CADPS: variants seen among roughly 807,000 people sequenced by gnomAD.
CADPS encodes the protein calcium-dependent secretion activator 1.
Under a neutral mutation model 167.3 loss-of-function variants are expected in CADPS, and 57 were observed. That is an observed-to-expected ratio of 0.34 (90% CI 0.28 to 0.42). The LOEUF is 0.42. Among genes scored for constraint, CADPS ranks in the 20% least tolerant of loss-of-function variants. CADPS has a pLI of 1.00. For missense variants in CADPS, 1,414 were observed against 1,738.1 expected (o/e 0.81, Z 3.32); for synonymous variants, 676 against 635.3 (o/e 1.06, Z -0.96).
At position 62,753,751 on chromosome 3, in the gene CADPS, A is replaced by G; in HGVS notation, c.578T>C (p.Val193Ala). The G allele has an allele frequency of 6.2e-7, 1 of 1,613,234 alleles. No homozygotes were observed. The highest frequency in any genetic ancestry group is 1.1e-5 in the South Asian group (1 of 91,016). ...GCCTCCACTCTGAACCATGCGGGCCACACGGTCGCTCTTCAGGAACACCTG... is the reference window on the plus strand; with the variant it reads ...GCCTCCACTCTGAACCATGCGGGCCGCACGGTCGCTCTTCAGGAACACCTG... ...YYEVFLKSDRVARMVQSGGCS... is the reference protein window; with the variant it reads ...YYEVFLKSDRAARMVQSGGCS... Residue 193 changes from valine (V) to alanine (A), a missense_variant, in exon 3 of 30, where the codon GTG (valine) becomes GCG (alanine). Val to Ala is a moderately conservative substitution (Grantham distance 64). Transcript: ENST00000383710. This position sits in a 1 kb window ranked among gnomAD's most constrained non-coding sequence, Gnocchi z 4.6.
At position 62,419,464 on chromosome 3, in the gene CADPS, A is replaced by T. The variant is rs147934256; in HGVS notation, c.3778-16279T>A. Among the ~76,000 whole-genome samples the T allele has an allele frequency of 3.6e-3, 548 of 152,282 alleles. 2 individuals are homozygous for T. The highest frequency in any genetic ancestry group is 4.6e-3 in the Non-Finnish European group (311 of 68,028). On this transcript the variant is annotated intron_variant, in intron 28 of 29. Coordinates refer to ENST00000383710, the MANE Select transcript of CADPS (RefSeq NM_003716.4). ...ATGTATAGTTACAATCTGAATTTGC[A>T]CTTTCAAGTCGTCTCAATCTTTTAA...
intron 21 of CADPS, among the ~76,000 whole-genome samples, chr3:62,484,020 A>G (rs1015341863): frequency 1.3e-5 from 2 of 152,234 alleles, no homozygotes; most frequent in East Asian, 3.8e-4. Flanking sequence ...GCGGGTACAC[A>G]AATTAGAAGC....
chr3:62,435,778 C>A (rs2149710093), intron 28 of CADPS, among the ~76,000 whole-genome samples: 1 of 151,928 alleles, frequency 6.6e-6, no homozygotes, highest in South Asian at 2.1e-4. Context: ...GTTGGGAAAA[C>A]CAAATTGGGA....
At chr3:62,718,987 C>G (rs531937521) in intron 3 of CADPS, among the ~76,000 whole-genome samples, 1 of 152,116 alleles carries the variant, frequency 6.6e-6, no homozygotes, top group Non-Finnish European at 1.5e-5. Flanking sequence ...GAACATTTTT[C>G]GTGAGGGGAA....
In CADPS at chr3:62,520,106, A is replaced by C. The variant is rs182994047; in HGVS notation, c.2292-1856T>G. Among the ~76,000 whole-genome samples the C allele has an allele frequency of 1.2e-3, 176 of 152,330 alleles. 2 individuals carry two copies. The highest frequency in any genetic ancestry group is 4.1e-3 in the African/African-American group (172 of 41,592). On this transcript the variant is annotated intron_variant, in intron 13 of 29. Coordinates refer to ENST00000383710, the MANE Select transcript of CADPS (RefSeq NM_003716.4). ...AAAATGCTGTTAAATATAATTTTAC[A>C]GTTCAGAAAAGGTTTACTGATCACA...
chr3:62,717,993 A>C (rs1442785865), intron 3 of CADPS, among the ~76,000 whole-genome samples: 1 of 151,764 alleles, frequency 6.6e-6, no homozygotes, highest in Non-Finnish European at 1.5e-5. Flanking sequence ...CCTCCTTCTC[A>C]ATGTTTATTT....
intron 1 of CADPS, among the ~76,000 whole-genome samples, chr3:62,818,542 T>C (rs1156580018): frequency 1.3e-5 from 2 of 152,104 alleles, no homozygotes; most frequent in African/African-American, 4.8e-5. Context: ...CAGACCAGTG[T>C]TGGAAAGGAT....
At chr3:62,824,101 C>G (rs960636657) in intron 1 of CADPS, among the ~76,000 whole-genome samples, 2 of 150,540 alleles carry the variant, frequency 1.3e-5, no homozygotes. Context: ...GAGATTGCCA[C>G]TGTCATTCAA....
Position 62,548,001 on chromosome 3 carries a change from T to C in CADPS, c.1966+1902A>G, listed in dbSNP as rs570634683. Among the ~76,000 whole-genome samples, 7 of 152,278 alleles carry C rather than the reference T, an allele frequency of 4.6e-5. No homozygotes were observed. The South Asian group carries it at 1.5e-3, about 32-fold the overall frequency. ...CACTGAATGTAAGGTGAAATGACTT[T>C]AGAAGAAATGAAGATTATTTGGAAA... is the stretch of plus-strand genomic sequence containing the variant. On this transcript the variant is annotated intron_variant, in intron 11 of 29. Transcript: ENST00000383710.
chr3:62,845,285 T>A (rs2077232064), intron 1 of CADPS, among the ~76,000 whole-genome samples: 1 of 152,166 alleles, frequency 6.6e-6, no homozygotes, highest in South Asian at 2.1e-4. Context: ...AAGGCTCACA[T>A]CATCACGATT....
chr3:62,853,203 A>G (rs2078973444), intron 1 of CADPS, among the ~76,000 whole-genome samples: 1 of 152,248 alleles, frequency 6.6e-6, no homozygotes, highest in Admixed American at 6.5e-5. Flanking sequence ...AAGAAAAGAA[A>G]AAGAAAGAAC....
chr3:62,715,412 A>C (rs1350525232), intron 3 of CADPS, among the ~76,000 whole-genome samples: 1 of 89,022 alleles, frequency 1.1e-5, no homozygotes, highest in East Asian at 4.4e-4. Context: ...ATTATATATA[A>C]ATATATATTT....
chr3:62,755,879 C>A lies in CADPS; in HGVS notation c.556-2106G>T, dbSNP rs2083773644. On this transcript the variant is annotated intron_variant, in intron 2 of 29. Coordinates refer to ENST00000383710, the MANE Select transcript of CADPS (RefSeq NM_003716.4). ...GGATGGTTTCTCCATCTAACCAACA[C>A]ATTATAGATCTCAAATACCAGTGTT... Among the ~76,000 whole-genome samples, 6 of 152,232 alleles carry A rather than the reference C, an allele frequency of 3.9e-5. No individual in the cohort carries two copies. The South Asian group carries it at 1.0e-3, about 26-fold the overall frequency.
At chr3:62,581,111 A>G (rs2083342988) in intron 8 of CADPS, among the ~76,000 whole-genome samples, 1 of 152,194 alleles carries the variant, frequency 6.6e-6, no homozygotes, top group African/African-American at 2.4e-5. Context: ...TAACTGGTGT[A>G]AAGAAGAAGT....
intron 9 of CADPS, among the ~76,000 whole-genome samples, chr3:62,558,408 G>A (rs943848952): frequency 3.9e-5 from 6 of 152,326 alleles, no homozygotes; most frequent in South Asian, 2.1e-4. Context: ...CAAGTAGCCC[G>A]TGGGAAAGCA....
intron 6 of CADPS, among the ~76,000 whole-genome samples, chr3:62,615,109 T>G (rs1338723866): frequency 3.3e-5 from 5 of 152,194 alleles, no homozygotes; most frequent in African/African-American, 1.2e-4. Flanking sequence ...GAGAATGGTC[T>G]GAGAATAATG....
At chr3:62,530,886 C>A in intron 13 of CADPS, 1 of 707,634 alleles carries the variant, frequency 1.4e-6, no homozygotes, top group Admixed American at 5.9e-5. Context: ...AGCACACGCA[C>A]ATGCACAAAC....
intron 1 of CADPS, among the ~76,000 whole-genome samples, chr3:62,772,803 C>T (rs542131354): frequency 1.3e-5 from 2 of 152,062 alleles, no homozygotes; most frequent in African/African-American, 2.4e-5. Flanking sequence ...AGAAGCAATG[C>T]TTATTGTAAA....
At chr3:62,713,690 A>G (rs2083848894) in intron 3 of CADPS, among the ~76,000 whole-genome samples, 1 of 152,158 alleles carries the variant, frequency 6.6e-6, no homozygotes, top group African/African-American at 2.4e-5. Context: ...TTTCTGGGTG[A>G]AGCCAAGACC....
Sources: gnomAD v4.1 joint callset for allele counts (sites outside exome capture counted in the v4.1 genomes callset) on GRCh38, gnomAD v4.1.1 for gene constraint, Gnocchi (gnomAD v3.1) non-coding constraint, MANE v1.5 for transcripts, NCBI Gene and HGNC (gene_info 2026-07-23, HGNC 2026-07-21) for gene names.